The following AGO2 variants were observed in gnomAD, a reference collection of about 807,000 sequenced individuals.
AGO2 encodes argonaute RISC catalytic component 2.
AGO2 carries 5 observed loss-of-function variants against 102.3 expected under a neutral mutation model. The ratio of observed to expected loss-of-function variants is 0.05; its 90% confidence interval spans 0.03 to 0.10. AGO2 has a LOEUF of 0.10. Ranked by LOEUF, AGO2 falls within the 10% of genes least tolerant of loss-of-function variation. AGO2 has a pLI of 1.00. For missense variants in AGO2, 541 were observed against 1,183.7 expected, an observed-to-expected ratio of 0.46 and a Z score of 7.97; for synonymous variants, 449 against 473.1, an observed-to-expected ratio of 0.95 and a Z score of 0.66.
intron 11 of AGO2, among the ~76,000 whole-genome samples, chr8:140,549,563 G>A (rs1257421845): frequency 3.3e-5 from 5 of 152,370 alleles, no homozygotes; most frequent in Admixed American, 6.5e-5. Context: ...ACTTGCCACC[G>A]TAACACAGCA....
intron 1 of AGO2, among the ~76,000 whole-genome samples, chr8:140,612,796 G>A (rs1375248970): frequency 6.6e-6 from 1 of 151,936 alleles, no homozygotes; most frequent in East Asian, 1.9e-4. Context: ...GAGTTTTGGT[G>A]TAGTAGCAAC....
chr8:140,604,437 A>G (rs1440709370), intron 1 of AGO2, among the ~76,000 whole-genome samples: 2 of 152,170 alleles, frequency 1.3e-5, no homozygotes, highest in Non-Finnish European at 2.9e-5. Flanking sequence ...TCACGCCTGT[A>G]ATCCCAGCAC....
In AGO2 at chr8:140,567,174, C is replaced by T. The variant is rs902342713; in HGVS notation, c.337-4540G>A. Among the ~76,000 whole-genome samples, 3 of 152,242 alleles carry T rather than the reference C, an allele frequency of 2.0e-5. No individual in the cohort carries two copies. The highest frequency in any genetic ancestry group is 4.8e-5 in the African/African-American group (2 of 41,470). On this transcript the variant is annotated intron_variant, in intron 3 of 18. Transcript: ENST00000220592. This position sits in a 1 kb window ranked among gnomAD's most constrained non-coding sequence, Gnocchi z 5.0. ...TGTAAATGTATTTCAGTCCAGCCTC[C>T]GCTTGGCCTGCAGAGAAAGGACAGC...
At chr8:140,621,210 C>T (rs2074213915) in intron 1 of AGO2, among the ~76,000 whole-genome samples, 1 of 152,204 alleles carries the variant, frequency 6.6e-6, no homozygotes, top group African/African-American at 2.4e-5. Flanking sequence ...CTGTCTCCCA[C>T]ACTTGCCCCT....
intron 11 of AGO2, 35 bp from the exon 12 acceptor site, chr8:140,549,333 G>A (rs1469708119): frequency 6.5e-7 from 1 of 1,545,136 alleles, no homozygotes; most frequent in Non-Finnish European, 8.8e-7. Context: ...ACCGGGCACT[G>A]GGAATGGCAG....
At chr8:140,556,143 G>GC in intron 9 of AGO2, 24 bp downstream of exon 9, 1 of 1,613,930 alleles carries the variant, frequency 6.2e-7, no homozygotes, top group South Asian at 1.1e-5. Context: ...CCACAGGGCA[G>GC]CCCTGCCCGG....
intron 1 of AGO2, among the ~76,000 whole-genome samples, chr8:140,625,835 C>A (rs547822604): frequency 6.6e-6 from 1 of 152,206 alleles, no homozygotes; most frequent in Non-Finnish European, 1.5e-5. Flanking sequence ...GACCACCCCC[C>A]AAAAAGCTTC....
In AGO2 at chr8:140,557,140, G is replaced by A; in HGVS notation, c.975C>T (p.Leu325=). The stretch of plus-strand genomic sequence containing the variant: ...GCTCCTGTCCGACTTGTAAACATGG[G>A]AGGTGGGGGTAGCGCAGAACCAACT... The part of the protein sequence containing the change: ...RHKLVLRYPH[L]PCLQVGQEQK... Residue 325 remains leucine (L), a synonymous_variant, in exon 8 of 19, where the codon CTC becomes CTT. Coordinates refer to ENST00000220592, the MANE Select transcript of AGO2 (RefSeq NM_012154.5). The surrounding 1 kb of genome is among the most constrained non-coding windows in gnomAD (Gnocchi z 5.9). The A allele has an allele frequency of 6.2e-7, 1 of 1,614,138 alleles. No homozygotes were observed. Among genetic ancestry groups the A allele is most frequent in the Non-Finnish European group, 8.5e-7 (1 of 1,180,014 alleles).
intron 1 of AGO2, among the ~76,000 whole-genome samples, chr8:140,595,750 T>C (rs188416562): frequency 0.015 from 706 of 46,062 alleles, 17 homozygotes; most frequent in East Asian, 0.02. Flanking sequence ...ATATTATATA[T>C]AATTGTATAT....
chr8:140,639,807 T>G (rs1312326075), upstream of AGO2, among the ~76,000 whole-genome samples: 2 of 152,080 alleles, frequency 1.3e-5, no homozygotes, highest in African/African-American at 2.4e-5. Context: ...GATAACCTCT[T>G]TAAAATCTGC....
At chr8:140,608,841 C>G (rs2133062444) in intron 1 of AGO2, among the ~76,000 whole-genome samples, 1 of 152,342 alleles carries the variant, frequency 6.6e-6, no homozygotes, top group South Asian at 2.1e-4. Context: ...CTGGTAATGT[C>G]TGGATACCTG....
At chr8:140,541,460 C>A in intron 14 of AGO2, 102 bp from the exon 15 acceptor site, 1 of 1,098,990 alleles carries the variant, frequency 9.1e-7, no homozygotes, top group Non-Finnish European at 1.3e-6. Context: ...AGTGTCCCCA[C>A]CCTGGAACTC....
chr8:140,561,016 C>A (rs984409800), intron 4 of AGO2, among the ~76,000 whole-genome samples: 1 of 152,252 alleles, frequency 6.6e-6, no homozygotes, highest in African/African-American at 2.4e-5. Context: ...TAGCCGTGGG[C>A]TCCCCAGGTA....
chr8:140,620,040 T>C (rs1053545242), intron 1 of AGO2, among the ~76,000 whole-genome samples: 2 of 151,992 alleles, frequency 1.3e-5, no homozygotes, highest in South Asian at 4.2e-4. Context: ...GCAGGAAAAA[T>C]ACAAGGATCC....
chr8:140,565,535 G>C (rs1268338466), intron 3 of AGO2, among the ~76,000 whole-genome samples: 2 of 151,660 alleles, frequency 1.3e-5, no homozygotes, highest in African/African-American at 4.8e-5. Context: ...CAGCTACCTG[G>C]GAGGCTGAGG....
chr8:140,544,130 C>A, intron 14 of AGO2, 83 bp downstream of exon 14: 1 of 1,425,738 alleles, frequency 7.0e-7, no homozygotes, highest in Non-Finnish European at 9.3e-7. Context: ...AGGAAGGACC[C>A]CTGGCCACGC....
intron 3 of AGO2, among the ~76,000 whole-genome samples, chr8:140,568,373 T>C (rs768441104): frequency 1.8e-4 from 28 of 151,666 alleles, no homozygotes; most frequent in Non-Finnish European, 1.0e-4. Flanking sequence ...CAAAAGGCTG[T>C]TCCTGCACTC....
chr8:140,618,364 G>T (rs114334971), intron 1 of AGO2, among the ~76,000 whole-genome samples: 3 of 151,076 alleles, frequency 2.0e-5, no homozygotes, highest in East Asian at 3.9e-4. Context: ...TGGCTCACAC[G>T]TATAATCTCA....
intron 1 of AGO2, among the ~76,000 whole-genome samples, chr8:140,595,864 CAATTGTAT>C (rs1564106947): frequency 8.0e-5 from 3 of 37,374 alleles, no homozygotes; most frequent in Non-Finnish European, 1.3e-4. Context: ...ATATTATATA[CAATTGTAT>C]ATTATATAAT....
Sources: gnomAD v4.1 joint callset for allele counts (sites outside exome capture counted in the v4.1 genomes callset) on GRCh38, gnomAD v4.1.1 for gene constraint, Gnocchi (gnomAD v3.1) non-coding constraint, MANE v1.5 for transcripts, NCBI Gene and HGNC (gene_info 2026-07-23, HGNC 2026-07-21) for gene names.